Variants in SDK1 observed in about 807,000 individuals in gnomAD.
The protein encoded by SDK1 is protein sidekick-1.
A neutral mutation model predicts 245.5 loss-of-function variants in SDK1; 157 were observed. That is an observed-to-expected ratio of 0.64 (90% CI 0.56 to 0.73). The LOEUF (loss-of-function observed/expected upper bound fraction) is 0.73, where lower values mean the gene tolerates loss of function less well. SDK1 is among the 30% of genes least tolerant of loss of function. The probability of loss-of-function intolerance (pLI) is 0.00; values close to 1 mark genes in which losing one functional copy is unlikely to be tolerated. For missense variants in SDK1, 3,583 were observed against 3,002.3 expected (o/e 1.19, Z -4.52); for synonymous variants, 1,647 against 1,278.5 (o/e 1.29, Z -6.15).
intron 32 of SDK1, among the ~76,000 whole-genome samples, chr7:4,162,366 G>GTTATTA (rs1447141270): frequency 1.1e-4 from 12 of 109,020 alleles, no homozygotes; most frequent in South Asian, 5.6e-4. Context: ...GGTTGTTGTT[G>GTTATTA]TTGTTATTAT....
intron 28 of SDK1, among the ~76,000 whole-genome samples, chr7:4,139,583 A>ATG (rs372711816): frequency 0.2 from 8,470 of 41,736 alleles, 2,343 homozygotes; most frequent in African/African-American, 0.4. Context: ...GTGTGTGTGT[A>ATG]TGTGTGTGTA....
At chr7:3,653,108 G>T (rs752881713) in intron 4 of SDK1, among the ~76,000 whole-genome samples, 1 of 152,196 alleles carries the variant, frequency 6.6e-6, no homozygotes, top group Non-Finnish European at 1.5e-5. Context: ...GCTTAAACTT[G>T]TGTGGGGTGA....
intron 13 of SDK1, among the ~76,000 whole-genome samples, chr7:3,975,042 A>G (rs1782805247): frequency 6.6e-6 from 1 of 152,062 alleles, no homozygotes; most frequent in African/African-American, 2.4e-5. Context: ...GAAATCTTGA[A>G]AACAGAAAGC....
chr7:3,558,104 A>G (rs1309111834), intron 1 of SDK1, among the ~76,000 whole-genome samples: 2 of 150,440 alleles, frequency 1.3e-5, no homozygotes, highest in Admixed American at 6.8e-5. Context: ...GCGTAAAGCC[A>G]GCATATTCTA....
chr7:3,469,062 TTTTA>T (rs1219589152), intron 1 of SDK1, among the ~76,000 whole-genome samples: 3 of 152,308 alleles, frequency 2.0e-5, no homozygotes, highest in East Asian at 3.9e-4. Context: ...TACTGGCTGA[TTTTA>T]TTTATTTATT....
At chr7:3,990,822 T>C (rs1465628630) in intron 14 of SDK1, among the ~76,000 whole-genome samples, 1 of 152,232 alleles carries the variant, frequency 6.6e-6, no homozygotes, top group African/African-American at 2.4e-5. Flanking sequence ...CCCGTTTCCA[T>C]GAAAGAAGGC....
chr7:3,970,473 T>C, intron 11 of SDK1, among the ~76,000 whole-genome samples: 1 of 152,224 alleles, frequency 6.6e-6, no homozygotes, highest in East Asian at 1.9e-4. Context: ...TATCCCTAAA[T>C]AGTAACCATA....
chr7:3,423,929 T>G (rs10274594), intron 1 of SDK1, among the ~76,000 whole-genome samples: 61,194 of 151,226 alleles, frequency 0.4, 13,646 homozygotes, highest in Admixed American at 0.5. Flanking sequence ...TTTTTTTTTT[T>G]TTTTTGAGAT....
At chr7:4,191,414 G>A (rs1161183474) in intron 35 of SDK1, among the ~76,000 whole-genome samples, 1 of 152,246 alleles carries the variant, frequency 6.6e-6, no homozygotes, top group South Asian at 2.1e-4. Flanking sequence ...GGAGCATCGC[G>A]CGGTGCCCGC....
chr7:4,007,995 TCAC>T (rs1289651368), intron 14 of SDK1, among the ~76,000 whole-genome samples: 1 of 152,204 alleles, frequency 6.6e-6, no homozygotes, highest in East Asian at 1.9e-4. Context: ...TCTGCCACCG[TCAC>T]CACCATCCTT....
chr7:3,420,684 C>T (rs1474316425), intron 1 of SDK1, among the ~76,000 whole-genome samples: 5 of 152,176 alleles, frequency 3.3e-5, no homozygotes, highest in African/African-American at 1.2e-4. Context: ...AACGTTATCT[C>T]ATTATATTCT....
intron 35 of SDK1, among the ~76,000 whole-genome samples, chr7:4,199,851 A>G (rs374337199): frequency 4.6e-5 from 7 of 152,068 alleles, no homozygotes; most frequent in African/African-American, 1.7e-4. Flanking sequence ...TACTCAGCGA[A>G]CCACTCAAAT....
chr7:3,945,360 A>G (rs1780532816), intron 5 of SDK1, among the ~76,000 whole-genome samples: 1 of 152,232 alleles, frequency 6.6e-6, no homozygotes, highest in Admixed American at 6.5e-5. Flanking sequence ...GGACACAGGG[A>G]TCATTTGAAG....
rs558395589 is a variant in SDK1 at position 4,235,126 on chromosome 7, T to C, written c.5992+1707T>C. The stretch of plus-strand genomic sequence containing the variant: ...GAACATCCTTGAATTCCGGGGTTGC[T>C]CTGTGAGAGGGGCTGTGAGGAAGGG... On this transcript the variant is annotated intron_variant, in intron 41 of 44. Transcript: ENST00000404826. 6.6e-5 allele frequency among the ~76,000 whole-genome samples: 10 copies of C among 152,182 alleles called. No individual in the cohort carries two copies. The East Asian group carries it at 1.5e-3, about 24-fold the overall frequency.
At chr7:3,585,082 T>G (rs1259564268) in intron 1 of SDK1, among the ~76,000 whole-genome samples, 4 of 152,124 alleles carry the variant, frequency 2.6e-5, no homozygotes. Flanking sequence ...TGTGCCTGTT[T>G]CCCTACATCC....
intron 22 of SDK1, among the ~76,000 whole-genome samples, chr7:4,109,435 A>G (rs751144993): frequency 6.6e-6 from 1 of 152,236 alleles, no homozygotes; most frequent in East Asian, 1.9e-4. Flanking sequence ...TCCTCTGCAC[A>G]CTTAGTGAGC....
intron 1 of SDK1, among the ~76,000 whole-genome samples, chr7:3,350,209 A>G (rs1583723225): frequency 6.6e-6 from 1 of 152,306 alleles, no homozygotes; most frequent in East Asian, 1.9e-4. Context: ...CAGAAAACAT[A>G]GGATGGATGT....
At chr7:4,074,712 A>C (rs1486179423) in intron 20 of SDK1, among the ~76,000 whole-genome samples, 1 of 150,954 alleles carries the variant, frequency 6.6e-6, no homozygotes, top group Non-Finnish European at 1.5e-5. Context: ...AAATTTTAAA[A>C]ACTTGCCAGG....
chr7:4,162,369 G>C (rs57109381), intron 32 of SDK1, among the ~76,000 whole-genome samples: 1 of 128,392 alleles, frequency 7.8e-6, no homozygotes, highest in Non-Finnish European at 1.7e-5. Context: ...TGTTGTTGTT[G>C]TTATTATTAT....
Sources: gnomAD v4.1 joint callset for allele counts (sites outside exome capture counted in the v4.1 genomes callset) on GRCh38, gnomAD v4.1.1 for gene constraint, MANE v1.5 for transcripts, NCBI Gene and HGNC (gene_info 2026-07-23, HGNC 2026-07-21) for gene names.